The following FAF2 variants were observed in gnomAD, a reference collection of about 807,000 sequenced individuals.
FAF2 encodes the protein Fas associated factor family member 2, also known as FAS-associated factor 2.
In FAF2, 9 loss-of-function variants were observed where a neutral mutation model predicts 62.3. That is an observed-to-expected ratio of 0.14 (90% CI 0.09 to 0.25). The LOEUF (loss-of-function observed/expected upper bound fraction) is 0.25. FAF2 is among the 10% of genes least tolerant of loss of function. The pLI is 1.00. For synonymous variants in FAF2, 202 were observed against 198.0 expected, an observed-to-expected ratio of 1.02 and a Z score of -0.17; for missense variants, 368 against 556.2, an observed-to-expected ratio of 0.66 and a Z score of 3.40.
At chr5:176,462,003 G>T (rs1396672014) in intron 1 of FAF2, among the ~76,000 whole-genome samples, 1 of 152,096 alleles carries the variant, frequency 6.6e-6, no homozygotes, top group East Asian at 1.9e-4. Flanking sequence ...AAAGCTAGGT[G>T]CAGTGTCTCA....
intron 1 of FAF2, among the ~76,000 whole-genome samples, chr5:176,455,779 C>T (rs1758268330): frequency 6.6e-6 from 1 of 151,460 alleles, no homozygotes; most frequent in South Asian, 2.1e-4. Flanking sequence ...TAAAGAAGTT[C>T]CAAGGAGTGC....
chr5:176,483,789 A>G (rs1758826200), intron 2 of FAF2, among the ~76,000 whole-genome samples: 1 of 152,234 alleles, frequency 6.6e-6, no homozygotes, highest in South Asian at 2.1e-4. Flanking sequence ...CAAATAGGGC[A>G]GAGTTGGCCG....
intron 8 of FAF2, among the ~76,000 whole-genome samples, 162 bp from the exon 9 acceptor site, chr5:176,498,752 C>G (rs1400178353): frequency 6.6e-6 from 1 of 152,134 alleles, no homozygotes; most frequent in Non-Finnish European, 1.5e-5. Flanking sequence ...TCAGATTCTG[C>G]CACGCTCTGC....
intron 1 of FAF2, among the ~76,000 whole-genome samples, chr5:176,467,694 A>C (rs1384826894): frequency 6.6e-6 from 1 of 152,242 alleles, no homozygotes; most frequent in East Asian, 1.9e-4. Context: ...CTGTATACCC[A>C]AATTGGTATG....
At chr5:176,486,574 C>A in intron 3 of FAF2, 85 bp downstream of exon 3, 2 of 1,366,820 alleles carry the variant, frequency 1.5e-6, no homozygotes, top group Non-Finnish European at 2.0e-6. Context: ...GTGACAGGAG[C>A]AAAACAAATA....
chr5:176,471,838 C>T lies in FAF2; in HGVS notation c.64-7350C>T, dbSNP rs951300933. 1.3e-4 allele frequency among the ~76,000 whole-genome samples: 19 copies of T among 151,796 alleles called. No individual in the cohort carries two copies. In the East Asian group the frequency reaches 2.1e-3, roughly 17 times the overall value. ...CCCAGTAGCTGGGATTACAGGCACC[C>T]GCCACTATGCCCAGCTAATTTTTTG... On this transcript the variant is annotated intron_variant, in intron 1 of 10. Transcript: ENST00000261942.
intron 1 of FAF2, among the ~76,000 whole-genome samples, chr5:176,464,487 CTTTTTTTTT>C (rs142550204): frequency 3.8e-5 from 3 of 79,998 alleles, no homozygotes; most frequent in East Asian, 3.7e-4. Context: ...CAAGCTGATT[CTTTTTTTTT>C]TTTTTTTTTT....
chr5:176,474,779 A>G (rs1457971694), intron 1 of FAF2, among the ~76,000 whole-genome samples: 1 of 152,170 alleles, frequency 6.6e-6, no homozygotes, highest in East Asian at 1.9e-4. Context: ...ACAAAATGAA[A>G]ATTTTGTTAG....
At chr5:176,451,811 C>A (rs866816542) in intron 1 of FAF2, among the ~76,000 whole-genome samples, 1 of 20,016 alleles carries the variant, frequency 5.0e-5, no homozygotes, top group Non-Finnish European at 9.0e-5. Context: ...TATATATATA[C>A]ACACATATAT....
At chr5:176,448,892 C>T in intron 1 of FAF2, among the ~76,000 whole-genome samples, 1 of 152,168 alleles carries the variant, frequency 6.6e-6, no homozygotes, top group East Asian at 1.9e-4. Flanking sequence ...CATGCCATTT[C>T]CACATACACT....
At chr5:176,467,299 A>G (rs926327562) in intron 1 of FAF2, among the ~76,000 whole-genome samples, 1 of 152,044 alleles carries the variant, frequency 6.6e-6, no homozygotes, top group South Asian at 2.1e-4. Flanking sequence ...TGCTATCTCA[A>G]GCCACCTTAG....
At chr5:176,461,312 CTTTTTTTTTTTTT>C (rs60608969) in intron 1 of FAF2, among the ~76,000 whole-genome samples, 1 of 70,732 alleles carries the variant, frequency 1.4e-5, no homozygotes, top group East Asian at 5.4e-4. Context: ...CTGTGCCCAG[CTTTTTTTTTTTTT>C]TTTTTTTTTT....
chr5:176,465,112 A>T (rs1307999465), intron 1 of FAF2, among the ~76,000 whole-genome samples: 3 of 152,060 alleles, frequency 2.0e-5, no homozygotes, highest in African/African-American at 7.2e-5. Context: ...GCTGGTCTTG[A>T]ACTTCAGACC....
chr5:176,484,160 G>T (rs1288678663), intron 2 of FAF2, among the ~76,000 whole-genome samples: 1 of 152,154 alleles, frequency 6.6e-6, no homozygotes, highest in African/African-American at 2.4e-5. Context: ...GCAGAGTCGG[G>T]ACACATTACC....
At chr5:176,475,886 T>G (rs1291530063) in intron 1 of FAF2, among the ~76,000 whole-genome samples, 1 of 152,238 alleles carries the variant, frequency 6.6e-6, no homozygotes, top group African/African-American at 2.4e-5. Flanking sequence ...CCTGACTTAC[T>G]GATTTTCAGG....
At chr5:176,495,963 T>C (rs1755458648) in intron 7 of FAF2, among the ~76,000 whole-genome samples, 1 of 152,182 alleles carries the variant, frequency 6.6e-6, no homozygotes, top group East Asian at 1.9e-4. Flanking sequence ...AGGCTGAGAC[T>C]TGCAGCCTTG....
At chr5:176,499,294 A>C (rs1755551982) in intron 9 of FAF2, among the ~76,000 whole-genome samples, 1 of 152,114 alleles carries the variant, frequency 6.6e-6, no homozygotes. Context: ...TTCTTTTTTA[A>C]ATAAAAATTT....
intron 2 of FAF2, among the ~76,000 whole-genome samples, chr5:176,482,286 C>A (rs886149461): frequency 2.0e-5 from 3 of 149,934 alleles, no homozygotes; most frequent in Non-Finnish European, 4.4e-5. Flanking sequence ...GGCGTGATCA[C>A]GGCTCACTGC....
At chr5:176,457,798 A>G (rs1213483211) in intron 1 of FAF2, among the ~76,000 whole-genome samples, 3 of 152,174 alleles carry the variant, frequency 2.0e-5, no homozygotes, top group Non-Finnish European at 2.9e-5. Context: ...ACTTTCTCAC[A>G]GTCCTGGAAT....
Sources: gnomAD v4.1 joint callset for allele counts (sites outside exome capture counted in the v4.1 genomes callset) on GRCh38, gnomAD v4.1.1 for gene constraint, MANE v1.5 for transcripts, NCBI Gene and HGNC (gene_info 2026-07-23, HGNC 2026-07-21) for gene names.